The following SUDS3 variants were observed in gnomAD, a reference collection of about 807,000 sequenced individuals.
SUDS3 encodes the protein sin3 histone deacetylase corepressor complex component SDS3.
In SUDS3, 23 loss-of-function variants were observed where a neutral mutation model predicts 53.5. The observed-to-expected ratio is 0.43, with a 90% confidence interval of 0.31 to 0.61. SUDS3 has a LOEUF of 0.61. SUDS3 is among the 20% of genes least tolerant of loss of function. SUDS3 has a pLI of 0.10. For missense variants in SUDS3, 291 were observed against 405.9 expected (o/e 0.72, Z 2.43); for synonymous variants, 150 against 148.5 (o/e 1.01, Z -0.08).
chr12:118,381,746 T>C (rs998872949), intron 2 of SUDS3, among the ~76,000 whole-genome samples: 8 of 149,710 alleles, frequency 5.3e-5, no homozygotes, highest in South Asian at 2.1e-4. Flanking sequence ...ACCCAAACCT[T>C]CTCATTGTCT....
chr12:118,405,123 C>G (rs1054456901), intron 10 of SUDS3, among the ~76,000 whole-genome samples: 1 of 152,200 alleles, frequency 6.6e-6, no homozygotes, highest in Non-Finnish European at 1.5e-5. Flanking sequence ...CAGGCTCTAA[C>G]AGCTTAACAC....
chr12:118,389,227 G>GC (rs2046142808), intron 4 of SUDS3, among the ~76,000 whole-genome samples: 1 of 151,952 alleles, frequency 6.6e-6, no homozygotes, highest in Non-Finnish European at 1.5e-5. Flanking sequence ...TCCCCCACCT[G>GC]CCGCCTGCCC....
intron 3 of SUDS3, among the ~76,000 whole-genome samples, chr12:118,385,120 T>G (rs1344888460): frequency 2.6e-5 from 4 of 151,990 alleles, no homozygotes; most frequent in Admixed American, 6.6e-5. Flanking sequence ...TTCTTTTTTT[T>G]TTTTTCGAGG....
In SUDS3 at chr12:118,382,699, G is replaced by A. The variant is rs557814627; in HGVS notation, c.213-1313G>A. ...TTTTTTTTTTAAGAGACAGGGTCTT[G>A]CTCTGTCGCCCAGGCTGGAGTGCAG... On this transcript the variant is annotated intron_variant, in intron 2 of 11. Coordinates refer to ENST00000543473, the MANE Select transcript of SUDS3 (RefSeq NM_022491.3). Among the ~76,000 whole-genome samples, 70 of 143,880 alleles carry A rather than the reference G, an allele frequency of 4.9e-4. No homozygotes were observed. The East Asian group carries it at 0.013, about 28-fold the overall frequency. 94.4% of individuals were successfully genotyped at this position (143,880 alleles called of 152,430 possible).
intron 10 of SUDS3, among the ~76,000 whole-genome samples, chr12:118,409,543 C>G (rs2046340441): frequency 6.6e-6 from 1 of 152,172 alleles, no homozygotes; most frequent in Admixed American, 6.5e-5. Flanking sequence ...AATTGAGACC[C>G]TAGACTGGAA....
intron 10 of SUDS3, among the ~76,000 whole-genome samples, chr12:118,405,991 G>A (rs1049352507): frequency 6.6e-6 from 1 of 152,108 alleles, no homozygotes; most frequent in Non-Finnish European, 1.5e-5. Context: ...TTCAGGCATC[G>A]CATCTTGGTG....
chr12:118,407,943 C>T (rs1278659080), intron 10 of SUDS3, among the ~76,000 whole-genome samples: 1 of 151,814 alleles, frequency 6.6e-6, no homozygotes, highest in Non-Finnish European at 1.5e-5. Flanking sequence ...GCACTGTCAC[C>T]CAGGCTGGAG....
chr12:118,378,764 C>T (rs979221216), intron 1 of SUDS3, among the ~76,000 whole-genome samples: 4 of 152,134 alleles, frequency 2.6e-5, no homozygotes, highest in African/African-American at 9.7e-5. Flanking sequence ...CAACCTCTGC[C>T]TCCCGAGTTC....
chr12:118,414,268 G>A (rs1032801121), intron 11 of SUDS3, 67 bp from the exon 12 acceptor site: 1 of 1,156,780 alleles, frequency 8.6e-7, no homozygotes, highest in African/African-American at 1.6e-5. Flanking sequence ...CAGATATTTT[G>A]ATGGTGTAGG....
intron 11 of SUDS3, among the ~76,000 whole-genome samples, chr12:118,413,863 T>A (rs1157376303): frequency 6.6e-6 from 1 of 152,204 alleles, no homozygotes; most frequent in African/African-American, 2.4e-5. Flanking sequence ...TTTTCCCTGT[T>A]TTTCTGCACA....
Position 118,386,077 on chromosome 12 carries a change from T to G in SUDS3, c.269-37T>G, listed in dbSNP as rs1398379358. On this transcript the variant is annotated intron_variant, in intron 3 of 11. Coordinates refer to ENST00000543473, the MANE Select transcript of SUDS3 (RefSeq NM_022491.3). ...AAGCAAAATGTAGAGCAGATTTATA[T>G]TCACAATAATTTTATTTTTCAAATG... is the stretch of plus-strand genomic sequence containing the variant. 5 of 1,482,314 alleles carry G rather than the reference T, an allele frequency of 3.4e-6. No individual in the cohort carries two copies. The Admixed American group carries it at 9.8e-5, about 29-fold the overall frequency. The allele number at this position is 1,482,314 out of a possible 1,614,324, so 91.8% of individuals were successfully genotyped here.
intron 1 of SUDS3, 58 bp downstream of exon 1, chr12:118,376,891 G>A (rs2046002133): frequency 2.1e-6 from 3 of 1,447,770 alleles, no homozygotes; most frequent in Non-Finnish European, 1.8e-6. Context: ...TGGGGGAGGG[G>A]GTGGGGCTGT....
At position 118,381,774 on chromosome 12, in the gene SUDS3, C is replaced by T. The variant is rs944975047; in HGVS notation, c.212+1543C>T. 4.6e-5 allele frequency among the ~76,000 whole-genome samples: 7 copies of T among 152,258 alleles called. No homozygotes were observed. In the East Asian group the frequency reaches 7.7e-4, roughly 17 times the overall value. On this transcript the variant is annotated intron_variant, in intron 2 of 11. Coordinates refer to ENST00000543473, the MANE Select transcript of SUDS3 (RefSeq NM_022491.3). Reference sequence around the variant, plus strand: ...CATTGTCTTCAGACAGAGCCACAGCCGAACAGATTCAGAGAAACGAAAACC... The same window carrying T: ...CATTGTCTTCAGACAGAGCCACAGCTGAACAGATTCAGAGAAACGAAAACC...
chr12:118,406,801 G>C (rs1437164736), intron 10 of SUDS3, among the ~76,000 whole-genome samples: 1 of 128,158 alleles, frequency 7.8e-6, no homozygotes, highest in Non-Finnish European at 1.6e-5. Context: ...CCCCCCCTTT[G>C]ATTTTTCTTT....
intron 3 of SUDS3, among the ~76,000 whole-genome samples, chr12:118,385,888 A>T (rs918521631): frequency 6.6e-6 from 1 of 151,934 alleles, no homozygotes; most frequent in Non-Finnish European, 1.5e-5. Context: ...ACTCCCCCTC[A>T]CTCACTACAG....
chr12:118,402,081 A>G, intron 9 of SUDS3, 77 bp downstream of exon 9: 1 of 1,538,264 alleles, frequency 6.5e-7, no homozygotes, highest in Non-Finnish European at 9.0e-7. Flanking sequence ...CCTGTCAGGA[A>G]ATGGTTGCAA....
intron 10 of SUDS3, among the ~76,000 whole-genome samples, chr12:118,403,798 C>T (rs951974593): frequency 6.6e-6 from 1 of 152,094 alleles, no homozygotes; most frequent in Non-Finnish European, 1.5e-5. Flanking sequence ...GTACCCCTGC[C>T]AACTGGGGCT....
At chr12:118,406,693 C>T (rs546933885) in intron 10 of SUDS3, among the ~76,000 whole-genome samples, 1 of 143,936 alleles carries the variant, frequency 6.9e-6, no homozygotes, top group African/African-American at 2.5e-5. Context: ...GCTTGTAAAA[C>T]AGGTTAATTG....
intron 5 of SUDS3, among the ~76,000 whole-genome samples, chr12:118,390,680 T>G (rs2046157929): frequency 6.6e-6 from 1 of 152,170 alleles, no homozygotes; most frequent in Non-Finnish European, 1.5e-5. Context: ...TATACAATTT[T>G]TGTCTTAGTA....
Sources: allele counts gnomAD v4.1 joint callset (sites outside exome capture counted in the v4.1 genomes callset), GRCh38; gene constraint gnomAD v4.1.1; transcripts MANE v1.5; gene names NCBI Gene and HGNC (gene_info 2026-07-23, HGNC 2026-07-21).